COX10: variants seen among roughly 807,000 people sequenced by gnomAD.
The protein encoded by COX10 is cytochrome c oxidase assembly factor heme A:farnesyltransferase COX10.
COX10 carries 27 observed loss-of-function variants against 37.3 expected under a neutral mutation model. The ratio of observed to expected loss-of-function variants is 0.72; its 90% confidence interval spans 0.53 to 1.00. The LOEUF (loss-of-function observed/expected upper bound fraction) is 1.00, where lower values mean the gene tolerates loss of function less well. COX10 is among the 50% of genes least tolerant of loss of function. The pLI is 0.00. For synonymous variants in COX10, 222 were observed against 229.1 expected (o/e 0.97, Z 0.28); for missense variants, 475 against 563.2 (o/e 0.84, Z 1.59).
At chr17:14,196,302 A>G (rs1906364958) in intron 6 of COX10, among the ~76,000 whole-genome samples, 2 of 152,134 alleles carry the variant, frequency 1.3e-5, no homozygotes. Context: ...TAATCAAATG[A>G]TTGAGTGATC....
In COX10 at chr17:14,147,503, A is replaced by G. The variant is rs192373687; in HGVS notation, c.625-12374A>G. Among the ~76,000 whole-genome samples, 694 of 152,238 alleles carry G rather than the reference A, an allele frequency of 4.6e-3. 4 individuals are homozygous for G. Among genetic ancestry groups the G allele is most frequent in the Middle Eastern group, 0.014 (4 of 294 alleles). On this transcript the variant is annotated intron_variant, in intron 4 of 6. Transcript: ENST00000261643. Reference sequence around the variant, plus strand: ...GAAGGACGGTTACCAGAGGCTGGGAAGGGTAGTGGGGTGGTGGGGATGGTT... The same window carrying G: ...GAAGGACGGTTACCAGAGGCTGGGAGGGGTAGTGGGGTGGTGGGGATGGTT...
intron 3 of COX10, among the ~76,000 whole-genome samples, chr17:14,084,342 A>G (rs1009813621): frequency 2.0e-5 from 3 of 152,134 alleles, no homozygotes. Context: ...GAAAAAATAG[A>G]AAATACAGAT....
intron 4 of COX10, among the ~76,000 whole-genome samples, chr17:14,134,713 G>A (rs533693347): frequency 1.3e-5 from 2 of 151,192 alleles, no homozygotes; most frequent in South Asian, 4.2e-4. Flanking sequence ...TTTAATAGCA[G>A]AAAGTGTGCC....
intron 4 of COX10, among the ~76,000 whole-genome samples, chr17:14,144,150 T>G (rs72816663): frequency 0.081 from 12,392 of 152,250 alleles, 610 homozygotes; most frequent in East Asian, 0.16. Context: ...CAGATGTATA[T>G]TATAACTGTG....
intron 4 of COX10, among the ~76,000 whole-genome samples, chr17:14,124,541 C>A (rs930552078): frequency 1.3e-5 from 2 of 152,040 alleles, no homozygotes; most frequent in African/African-American, 4.8e-5. Flanking sequence ...AATGTTTGTT[C>A]TCACAGTTCA....
chr17:14,125,855 AACTTG>A (rs563012153), intron 4 of COX10, among the ~76,000 whole-genome samples: 94 of 152,292 alleles, frequency 6.2e-4, no homozygotes, highest in African/African-American at 2.2e-3. Context: ...CTTCATGCAT[AACTTG>A]TTCTGTGGGT....
chr17:14,086,393 T>C (rs547510017), intron 3 of COX10, among the ~76,000 whole-genome samples: 1 of 152,124 alleles, frequency 6.6e-6, no homozygotes, highest in Non-Finnish European at 1.5e-5. Context: ...AACCAGTGTT[T>C]GAATGTTCTA....
At chr17:14,176,421 A>G (rs1905691000) in intron 5 of COX10, among the ~76,000 whole-genome samples, 1 of 152,288 alleles carries the variant, frequency 6.6e-6, no homozygotes, top group East Asian at 1.9e-4. Flanking sequence ...AGCATGAAGA[A>G]TAATAGAGTA....
intron 5 of COX10, among the ~76,000 whole-genome samples, chr17:14,161,965 A>G (rs1042291436): frequency 2.6e-5 from 4 of 152,198 alleles, no homozygotes; most frequent in Non-Finnish European, 5.9e-5. Context: ...AACTCTGACT[A>G]ATACAGATTT....
chr17:14,199,619 A>G (rs1382254246), intron 6 of COX10, among the ~76,000 whole-genome samples: 2 of 152,204 alleles, frequency 1.3e-5, no homozygotes, highest in Non-Finnish European at 2.9e-5. Flanking sequence ...CCTCTCCATT[A>G]TTCCTAAACT....
intron 3 of COX10, among the ~76,000 whole-genome samples, chr17:14,094,187 T>C (rs1915591393): frequency 6.6e-6 from 1 of 152,138 alleles, no homozygotes; most frequent in Non-Finnish European, 1.5e-5. Flanking sequence ...GTACCTACAA[T>C]TGCTTGCTTT....
intron 5 of COX10, among the ~76,000 whole-genome samples, chr17:14,173,904 C>T (rs1905563514): frequency 6.6e-6 from 1 of 152,102 alleles, no homozygotes; most frequent in Admixed American, 6.5e-5. Context: ...CCACTTCCAG[C>T]ATGACAACAT....
At chr17:14,139,793 G>A (rs1038724253) in intron 4 of COX10, among the ~76,000 whole-genome samples, 12 of 152,120 alleles carry the variant, frequency 7.9e-5, no homozygotes, top group Non-Finnish European at 1.5e-4. Context: ...TGCCTGTCTT[G>A]CTGTACTAGA....
intron 4 of COX10, among the ~76,000 whole-genome samples, chr17:14,152,773 C>T (rs1310131155): frequency 1.3e-5 from 2 of 152,174 alleles, no homozygotes; most frequent in African/African-American, 4.8e-5. Flanking sequence ...TGCACATGAC[C>T]TACAGAAGAG....
Position 14,175,093 on chromosome 17 carries a change from G to C in COX10, c.695+15146G>C, listed in dbSNP as rs1267482329. 7.8e-5 allele frequency among the ~76,000 whole-genome samples: 4 copies of C among 51,116 alleles called. 1 individual carries two copies. The South Asian group carries it at 3.5e-3, about 45-fold the overall frequency. 33.5% of individuals were successfully genotyped at this position (51,116 alleles called of 152,430 possible). ...GTTACTGGGAAATAGCGGGGGGGGGGGGGGTGGATAGGAGGGAATTGGCTA... is the reference window on the plus strand; with the variant it reads ...GTTACTGGGAAATAGCGGGGGGGGGCGGGGTGGATAGGAGGGAATTGGCTA... On this transcript the variant is annotated intron_variant, in intron 5 of 6. Transcript: ENST00000261643.
At chr17:14,094,065 A>T (rs573533036) in intron 3 of COX10, among the ~76,000 whole-genome samples, 1 of 152,260 alleles carries the variant, frequency 6.6e-6, no homozygotes, top group African/African-American at 2.4e-5. Flanking sequence ...CCTCTGAAAA[A>T]AAGGGAGAGC....
At chr17:14,113,212 T>C (rs1019495982) in intron 4 of COX10, among the ~76,000 whole-genome samples, 1 of 152,142 alleles carries the variant, frequency 6.6e-6, no homozygotes, top group African/African-American at 2.4e-5. Context: ...TAACTTTAAT[T>C]CTGTTTGTTC....
chr17:14,199,317 T>C (rs1197563361), intron 6 of COX10, among the ~76,000 whole-genome samples: 1 of 152,216 alleles, frequency 6.6e-6, no homozygotes, highest in Non-Finnish European at 1.5e-5. Context: ...GTAACTAGTA[T>C]TCTTCAGTGA....
At position 14,149,489 on chromosome 17, in the gene COX10, T is replaced by C. The variant is rs564775509; in HGVS notation, c.625-10388T>C. On this transcript the variant is annotated intron_variant, in intron 4 of 6. Transcript: ENST00000261643. ...TATGTGTTTTAGCGGCGATACTGTG[T>C]CTTTGTGTCTCTCTACCAGCACCCT... Among the ~76,000 whole-genome samples the C allele has an allele frequency of 2.0e-5, 3 of 152,308 alleles. No individual in the cohort carries two copies. In the South Asian group the frequency reaches 6.2e-4, roughly 32 times the overall value.
Sources: gnomAD v4.1 joint callset for allele counts (sites outside exome capture counted in the v4.1 genomes callset) on GRCh38, gnomAD v4.1.1 for gene constraint, MANE v1.5 for transcripts, NCBI Gene and HGNC (gene_info 2026-07-23, HGNC 2026-07-21) for gene names.